The following NWD2 variants were observed in gnomAD, a reference collection of about 807,000 sequenced individuals.
NWD2 encodes NACHT and WD repeat domain containing 2.
Under a neutral mutation model 132.7 loss-of-function variants are expected in NWD2, and 37 were observed. The ratio of observed to expected loss-of-function variants is 0.28; its 90% CI spans 0.21 to 0.37. The LOEUF (loss-of-function observed/expected upper bound fraction) is 0.37, where lower values mean the gene tolerates loss of function less well. Ranked by LOEUF, NWD2 falls within the 10% of genes least tolerant of loss-of-function variation. The probability of loss-of-function intolerance (pLI) is 1.00; values close to 1 mark genes in which losing one functional copy is unlikely to be tolerated. For synonymous variants in NWD2, 705 were observed against 803.0 expected, an observed-to-expected ratio of 0.88 and a Z score of 2.06; for missense variants, 1,592 against 2,122.4, an observed-to-expected ratio of 0.75 and a Z score of 4.91.
intron 2 of NWD2, among the ~76,000 whole-genome samples, chr4:37,339,093 G>T (rs543303171): frequency 1.3e-5 from 2 of 152,240 alleles, no homozygotes; most frequent in Non-Finnish European, 2.9e-5. Context: ...ACCTGTTTAG[G>T]TCTCTTCACA....
In NWD2 at chr4:37,401,608, G is replaced by A. The variant is rs28715817; in HGVS notation, c.358-28964G>A. Among the ~76,000 whole-genome samples, 800 of 152,130 alleles carry A rather than the reference G, an allele frequency of 5.3e-3. 9 individuals are homozygous for A. Among genetic ancestry groups the A allele is most frequent in the African/African-American group, 0.018 (733 of 41,496 alleles). On this transcript the variant is annotated intron_variant, in intron 3 of 6. Coordinates refer to ENST00000309447, the MANE Select transcript of NWD2 (RefSeq NM_001144990.2). The stretch of plus-strand genomic sequence containing the variant: ...CCAGAATTATTTCATTAAAATACAC[G>A]TGTGATTATGTTAGTCCCCTACCCA...
intron 1 of NWD2, among the ~76,000 whole-genome samples, chr4:37,302,369 C>T (rs1321930546): frequency 6.6e-6 from 1 of 151,986 alleles, no homozygotes; most frequent in Non-Finnish European, 1.5e-5. Context: ...TGTTGATGGA[C>T]TCTTGAGTTG....
At chr4:37,416,711 A>G (rs1248087545) in intron 3 of NWD2, among the ~76,000 whole-genome samples, 1 of 152,206 alleles carries the variant, frequency 6.6e-6, no homozygotes, top group Non-Finnish European at 1.5e-5. Context: ...CCAGATGTCC[A>G]TCAATCAACA....
chr4:37,398,586 C>G (rs528660359), intron 3 of NWD2, among the ~76,000 whole-genome samples: 1 of 152,232 alleles, frequency 6.6e-6, no homozygotes, highest in East Asian at 1.9e-4. Flanking sequence ...GTTTCAAATC[C>G]CAGAAGTCTG....
intron 3 of NWD2, among the ~76,000 whole-genome samples, chr4:37,408,000 C>G (rs929907179): frequency 6.6e-6 from 1 of 152,224 alleles, no homozygotes; most frequent in Non-Finnish European, 1.5e-5. Flanking sequence ...AGCACAGATA[C>G]TGCACTTGTC....
intron 3 of NWD2, among the ~76,000 whole-genome samples, chr4:37,405,013 T>C (rs535901767): frequency 5.3e-5 from 8 of 152,342 alleles, no homozygotes; most frequent in African/African-American, 1.9e-4. Flanking sequence ...GAGATTTGTG[T>C]AGGGACACAG....
In NWD2 at chr4:37,395,584, CAAAAAAAA is replaced by C. The variant is rs1156884728; in HGVS notation, c.358-34970_358-34963del. On this transcript the variant is annotated intron_variant, in intron 3 of 6. Transcript: ENST00000309447. Reference sequence around the variant, plus strand: ...GGGCAACAAGAGCGAAACTCTGTCTCAAAAAAAAAAAAAAAAAAAAAAAAAGAGTCTGC... The same window carrying C: ...GGGCAACAAGAGCGAAACTCTGTCTCAAAAAAAAAAAAAAAAAGAGTCTGC... 3.0e-3 allele frequency among the ~76,000 whole-genome samples: 54 copies of C among 18,282 alleles called. 1 individual carries two copies. Among genetic ancestry groups the C allele is most frequent in the South Asian group, 0.02 (4 of 200 alleles). The allele number at this position is 18,282 out of a possible 152,430, so 12.0% of individuals were successfully genotyped here. A position where few individuals can be genotyped will look rare whatever the true frequency, so the allele number is the denominator to read the frequency against.
intron 4 of NWD2, among the ~76,000 whole-genome samples, chr4:37,431,799 C>T (rs1367208406): frequency 1.3e-5 from 2 of 152,142 alleles, no homozygotes; most frequent in Non-Finnish European, 2.9e-5. Context: ...ACTCACCTTT[C>T]CATTTAGCAT....
At chr4:37,272,643 G>A (rs1717895274) in intron 1 of NWD2, among the ~76,000 whole-genome samples, 1 of 151,598 alleles carries the variant, frequency 6.6e-6, no homozygotes, top group Non-Finnish European at 1.5e-5. Flanking sequence ...TACAGGTACT[G>A]ATTTTTCTCT....
At chr4:37,290,806 A>G (rs1718345108) in intron 1 of NWD2, among the ~76,000 whole-genome samples, 1 of 152,350 alleles carries the variant, frequency 6.6e-6, no homozygotes. Context: ...GTGAGCCATC[A>G]TCATTTTTGC....
chr4:37,245,796 G>C (rs1438909287), intron 1 of NWD2, among the ~76,000 whole-genome samples: 1 of 152,168 alleles, frequency 6.6e-6, no homozygotes, highest in Non-Finnish European at 1.5e-5. Flanking sequence ...CAGGCTTCGC[G>C]GTGGGGCGCG....
At chr4:37,290,815 G>A (rs1226531166) in intron 1 of NWD2, among the ~76,000 whole-genome samples, 1 of 152,172 alleles carries the variant, frequency 6.6e-6, no homozygotes, top group African/African-American at 2.4e-5. Flanking sequence ...CATCATTTTT[G>A]CTCTTCACTC....
intron 1 of NWD2, among the ~76,000 whole-genome samples, chr4:37,283,615 A>G (rs1371289714): frequency 6.6e-6 from 1 of 152,202 alleles, no homozygotes; most frequent in East Asian, 1.9e-4. Context: ...AAGACCCCAC[A>G]GTGTGTAAGT....
At chr4:37,420,268 A>G (rs1711767501) in intron 3 of NWD2, among the ~76,000 whole-genome samples, 1 of 152,054 alleles carries the variant, frequency 6.6e-6, no homozygotes, top group African/African-American at 2.4e-5. Flanking sequence ...ACACTTTTCC[A>G]TTCTTCCTCC....
At chr4:37,348,537 A>G (rs558455489) in intron 2 of NWD2, among the ~76,000 whole-genome samples, 23 of 148,078 alleles carry the variant, frequency 1.6e-4, no homozygotes, top group Non-Finnish European at 3.0e-4. Flanking sequence ...CCAACCAGTG[A>G]AGCCATCCCT....
intron 1 of NWD2, among the ~76,000 whole-genome samples, chr4:37,323,362 C>T (rs1560394808): frequency 3.3e-5 from 5 of 152,104 alleles, no homozygotes; most frequent in Admixed American, 3.3e-4. Context: ...AACCAAATAA[C>T]CCCATTACAA....
At chr4:37,344,086 A>G (rs1206383210) in intron 2 of NWD2, among the ~76,000 whole-genome samples, 1 of 152,202 alleles carries the variant, frequency 6.6e-6, no homozygotes, top group Non-Finnish European at 1.5e-5. Context: ...GCTGTCAACA[A>G]GTTAGTATTC....
intron 3 of NWD2, among the ~76,000 whole-genome samples, chr4:37,404,332 G>A (rs936408989): frequency 6.6e-5 from 10 of 152,256 alleles, no homozygotes; most frequent in Middle Eastern, 3.4e-3. Context: ...CCTCTGAAAA[G>A]CACTCCTCCC....
chr4:37,342,869 G>A (rs576345721), intron 2 of NWD2, among the ~76,000 whole-genome samples: 10 of 152,232 alleles, frequency 6.6e-5, no homozygotes, highest in Admixed American at 5.9e-4. Context: ...TCTAGTGATC[G>A]TGTATGACAC....
Sources: gnomAD v4.1 joint callset for allele counts (sites outside exome capture counted in the v4.1 genomes callset) on GRCh38, gnomAD v4.1.1 for gene constraint, MANE v1.5 for transcripts, NCBI Gene and HGNC (gene_info 2026-07-23, HGNC 2026-07-21) for gene names.